Variants in CLCF1 observed in about 807,000 individuals in gnomAD.
CLCF1 encodes the protein cardiotrophin like cytokine factor 1.
CLCF1 carries 10 observed loss-of-function variants against 21.2 expected under a neutral mutation model. The observed-to-expected ratio is 0.47, with a 90% CI of 0.29 to 0.80. CLCF1 has a LOEUF of 0.80. CLCF1 is among the 30% of genes least tolerant of loss of function. CLCF1 has a pLI of 0.09. For missense variants in CLCF1, 240 were observed against 293.4 expected (o/e 0.82, Z 1.33); for synonymous variants, 115 against 120.5 (o/e 0.95, Z 0.30).
At chr11:67,367,406 TTCCCCAACTCCTCACTCC>T (rs1862133830) in intron 2 of CLCF1, 36 bp downstream of exon 2, 1 of 1,613,268 alleles carries the variant, frequency 6.2e-7, no homozygotes, top group South Asian at 1.1e-5. Context: ...AGGACTGTCT[TTCCCCAACTCCTCACTCC>T]TCCCCAACTC....
chr11:67,366,169 G>GCCA (rs1862093909), intron 2 of CLCF1, among the ~76,000 whole-genome samples: 1 of 152,172 alleles, frequency 6.6e-6, no homozygotes, highest in African/African-American at 2.4e-5. Flanking sequence ...GGGCCTGGAA[G>GCCA]CCAGATTGCA....
rs753771467 is a variant in CLCF1 at position 67,367,479 on chromosome 11, C to T, written c.164G>A (p.Arg55His). 5 of 1,614,110 alleles carry T rather than the reference C, an allele frequency of 3.1e-6. No individual in the cohort carries two copies. In the African/African-American group the frequency reaches 4.0e-5, roughly 13 times the overall value. Reference protein sequence around the residue: ...DLTRYLEHQLRSLAGTYLNYL... With the variant: ...DLTRYLEHQLHSLAGTYLNYL... Reference sequence around the variant, plus strand: ...ACTCACATAGGTCCCAGCCAAGCTGCGGAGTTGGTGCTCCAGGTAGCGGGT... The same window carrying T: ...ACTCACATAGGTCCCAGCCAAGCTGTGGAGTTGGTGCTCCAGGTAGCGGGT... The change falls in exon 2 of 3, where the codon CGC (arginine) becomes CAC (histidine). Residue 55 changes from arginine (R) to histidine (H), a missense_variant. Transcript: ENST00000312438.
intron 2 of CLCF1, among the ~76,000 whole-genome samples, chr11:67,366,372 T>G (rs1429430182): frequency 6.6e-6 from 1 of 152,026 alleles, no homozygotes; most frequent in Non-Finnish European, 1.5e-5. Flanking sequence ...AGAGCCCCAT[T>G]TGCCGCTGAC....
chr11:67,368,912 C>CTTTTT lies in CLCF1; in HGVS notation c.17-1291_17-1287dup, dbSNP rs10666079. On this transcript the variant is annotated intron_variant, in intron 1 of 2. Transcript: ENST00000312438. Reference sequence around the variant, plus strand: ...TCTTTCCTATAGTTCTTTTTTTTTCCTTTTTTTTTTTTTTTTTTGCTGCCA... The same window carrying CTTTTT: ...TCTTTCCTATAGTTCTTTTTTTTTCCTTTTTTTTTTTTTTTTTTTTTTTGCTGCCA... 4,546 of 681,036 alleles carry CTTTTT rather than the reference C, an allele frequency of 6.7e-3. 2 individuals are homozygous for CTTTTT. Among genetic ancestry groups the CTTTTT allele is most frequent in the Middle Eastern group, 0.01 (13 of 1,264 alleles). The allele number at this position is 681,036 out of a possible 1,614,324, so 42.2% of individuals were successfully genotyped here. A position where few individuals can be genotyped will look rare whatever the true frequency, so the allele number is the denominator to read the frequency against.
At chr11:67,368,922 TTTTTTTTTG>T in intron 1 of CLCF1, 1 of 935,212 alleles carries the variant, frequency 1.1e-6, no homozygotes, top group Non-Finnish European at 1.3e-6. Flanking sequence ...CTTTTTTTTT[TTTTTTTTTG>T]CTGCCACCTT....
At chr11:67,371,004 G>T in intron 1 of CLCF1, 1 of 985,430 alleles carries the variant, frequency 1.0e-6, no homozygotes, top group Non-Finnish European at 1.2e-6. Flanking sequence ...GCTGGCTGCG[G>T]TTGGAGGGGT....
Position 67,370,798 on chromosome 11 carries a change from G to C in CLCF1, c.16+2726C>G, listed in dbSNP as rs900023044. On this transcript the variant is annotated intron_variant, in intron 1 of 2. Coordinates refer to ENST00000312438, the MANE Select transcript of CLCF1 (RefSeq NM_013246.3). ...GTGAGGGTGAGAGTTCAGCCATGCA[G>C]ATGTGCCAGGGTGCTTAGGGTGGTA... 5.1e-6 allele frequency: 5 copies of C among 985,280 alleles called. No individual in the cohort carries two copies. In the African/African-American group the frequency reaches 7.0e-5, roughly 14 times the overall value. 61.0% of individuals were successfully genotyped at this position (985,280 alleles called of 1,614,324 possible).
Position 67,368,372 on chromosome 11 carries a change from T to TCAA in CLCF1, c.17-747_17-746insTTG, listed in dbSNP as rs975952010. On this transcript the variant is annotated intron_variant, in intron 1 of 2. Transcript: ENST00000312438. ...AAAAGTTGGACTTCAATGAGGCCTT[T>TCAA]CCATCAGCCTGCAAGGGTGGGGACA... The TCAA allele has an allele frequency of 3.0e-6, 3 of 985,218 alleles. No homozygotes were observed. In the African/African-American group the frequency reaches 5.2e-5, roughly 17 times the overall value. The allele number at this position is 985,218 out of a possible 1,614,324, so 61.0% of individuals were successfully genotyped here.
At position 67,371,486 on chromosome 11, in the gene CLCF1, G is replaced by T. The variant is rs192059618; in HGVS notation, c.16+2038C>A. Among the ~76,000 whole-genome samples the T allele has an allele frequency of 5.5e-3, 843 of 152,364 alleles. 3 individuals are homozygous for T. The highest frequency in any genetic ancestry group is 8.6e-3 in the Non-Finnish European group (583 of 68,038). On this transcript the variant is annotated intron_variant, in intron 1 of 2. Transcript: ENST00000312438. ...AAATGACAGAGGTCACTGAGGCCCAGGGGAAGAAGCTGAGGGTGGGCCAGC... is the reference window on the plus strand; with the variant it reads ...AAATGACAGAGGTCACTGAGGCCCATGGGAAGAAGCTGAGGGTGGGCCAGC...
In CLCF1 at chr11:67,372,314, G is replaced by T. The variant is rs1445739368; in HGVS notation, c.16+1210C>A. ...CAGGCTGGGAGCTGGGGGAACAGGG[G>T]TCCTCTGGGATTGGGAGGGTCTGTG... is the stretch of plus-strand genomic sequence containing the variant. On this transcript the variant is annotated intron_variant, in intron 1 of 2. Transcript: ENST00000312438. The surrounding 1 kb of genome is among the most constrained non-coding windows in gnomAD (Gnocchi z 5.9). Among the ~76,000 whole-genome samples, 2 of 152,146 alleles carry T rather than the reference G, an allele frequency of 1.3e-5. No individual in the cohort carries two copies. Among genetic ancestry groups the T allele is most frequent in the East Asian group, 3.9e-4 (2 of 5,124 alleles).
In CLCF1 at chr11:67,372,817, C is replaced by T. The variant is rs951581572; in HGVS notation, c.16+707G>A. ...CCCCCCGCCAAACAATAATCACTCC[C>T]AGGCCACGGTGGCCCGGGGGACTCG... On this transcript the variant is annotated intron_variant, in intron 1 of 2. Transcript: ENST00000312438. This position sits in a 1 kb window ranked among gnomAD's most constrained non-coding sequence, Gnocchi z 5.9. Among the ~76,000 whole-genome samples, 1 of 150,196 alleles carries T rather than the reference C, an allele frequency of 6.7e-6. No homozygotes were observed. The highest frequency in any genetic ancestry group is 1.5e-5 in the Non-Finnish European group (1 of 67,124).
rs1249440938 is a variant in CLCF1 at position 67,365,905 on chromosome 11, G to T, written c.184-275C>A. On this transcript the variant is annotated intron_variant, in intron 2 of 2. Transcript: ENST00000312438. The surrounding 1 kb of genome is among the most constrained non-coding windows in gnomAD (Gnocchi z 5.0). ...GACGCACAAGACGCTCAGGAAGGAC[G>T]TGCTGATTGGCTGGGTGGGCAAACC... 6.6e-6 allele frequency among the ~76,000 whole-genome samples: 1 copy of T among 152,216 alleles called. No homozygotes were observed. The highest frequency in any genetic ancestry group is 1.5e-5 in the Non-Finnish European group (1 of 68,032).
intron 1 of CLCF1, chr11:67,369,566 C>A (rs1391412412): frequency 3.0e-6 from 3 of 985,308 alleles, no homozygotes; most frequent in African/African-American, 1.7e-5. Flanking sequence ...CCTCTAGGAT[C>A]CTATGGGTAC....
intron 2 of CLCF1, among the ~76,000 whole-genome samples, chr11:67,366,186 TAAG>T (rs1862094421): frequency 6.6e-6 from 1 of 151,846 alleles, no homozygotes; most frequent in African/African-American, 2.4e-5. Flanking sequence ...TGCAGGGGGT[TAAG>T]AAGTGAGTGG....
chr11:67,370,849 C>T (rs1224513952), intron 1 of CLCF1: 1 of 985,244 alleles, frequency 1.0e-6, no homozygotes, highest in Non-Finnish European at 1.2e-6. Flanking sequence ...AGTCTCTGCA[C>T]CTGGGACTAT....
chr11:67,368,074 A>C (rs1239672941), intron 1 of CLCF1: 1 of 985,298 alleles, frequency 1.0e-6, no homozygotes, highest in East Asian at 1.1e-4. Context: ...GAGACAGCAC[A>C]TGTCAGAGCT....
At chr11:67,367,712 C>T in intron 1 of CLCF1, 86 bp from the exon 2 acceptor site, 1 of 1,548,924 alleles carries the variant, frequency 6.5e-7, no homozygotes, top group Non-Finnish European at 8.7e-7. Flanking sequence ...TCTGTCCCCA[C>T]CTTGGGCTGG....
At chr11:67,373,806 G>A, upstream of CLCF1, 2 of 1,085,618 alleles carry the variant, frequency 1.8e-6, no homozygotes, top group Non-Finnish European at 2.3e-6. Context: ...AGGGAAGGGA[G>A]GGCTTCTGGG....
At chr11:67,368,422 G>T (rs529538337) in intron 1 of CLCF1, 1 of 985,376 alleles carries the variant, frequency 1.0e-6, no homozygotes, top group Admixed American at 6.1e-5. Flanking sequence ...TGCATTTGAC[G>T]AGTCGGGCTT....
Sources: allele counts gnomAD v4.1 joint callset (sites outside exome capture counted in the v4.1 genomes callset), GRCh38; gene constraint gnomAD v4.1.1; non-coding constraint Gnocchi (gnomAD v3.1); transcripts MANE v1.5; gene names NCBI Gene and HGNC (gene_info 2026-07-23, HGNC 2026-07-21).